Variants in LOXHD1 observed in about 807,000 individuals in gnomAD.
The protein encoded by LOXHD1 is lipoxygenase homology PLAT domains 1, also known as lipoxygenase homology domain-containing protein 1.
A neutral mutation model predicts 248.2 loss-of-function variants in LOXHD1; 205 were observed. The observed-to-expected ratio is 0.83, with a 90% confidence interval of 0.74 to 0.93. LOXHD1 has a LOEUF of 0.93. Ranked by LOEUF, LOXHD1 falls within the 40% of genes least tolerant of loss-of-function variation. LOXHD1 has a pLI of 0.00. For missense variants in LOXHD1, 2,930 were observed against 2,971.6 expected (o/e 0.99, Z 0.33); for synonymous variants, 1,113 against 1,162.8 (o/e 0.96, Z 0.87).
At chr18:46,503,423 C>T (rs1003469410) in intron 37 of LOXHD1, among the ~76,000 whole-genome samples, 3 of 152,156 alleles carry the variant, frequency 2.0e-5, no homozygotes, top group Non-Finnish European at 2.9e-5. Context: ...TGGCTCAATG[C>T]TTTCACACTT....
chr18:46,513,629 G>T (rs1438185660), intron 34 of LOXHD1, among the ~76,000 whole-genome samples: 1 of 152,222 alleles, frequency 6.6e-6, no homozygotes, highest in Non-Finnish European at 1.5e-5. Flanking sequence ...ACCAGAAGCT[G>T]CAAGGAGTGG....
At chr18:46,562,921 G>C (rs2037559301) in intron 18 of LOXHD1, 144 bp downstream of exon 18, 3 of 954,936 alleles carry the variant, frequency 3.1e-6, no homozygotes, top group Non-Finnish European at 4.5e-6. Context: ...CTCAGGTCTG[G>C]AGAGAGGAAG....
intron 20 of LOXHD1, chr18:46,559,133 G>A: frequency 7.4e-7 from 1 of 1,354,574 alleles, no homozygotes; most frequent in African/African-American, 1.5e-5. Context: ...ACACCATCTT[G>A]CGGCGAGGAC....
intron 33 of LOXHD1, chr18:46,520,401 A>G (rs1267211409): frequency 2.3e-6 from 1 of 425,912 alleles, no homozygotes; most frequent in African/African-American, 2.1e-5. Context: ...CCATGAGCCA[A>G]AAAGAGAAAC....
Position 46,524,514 on chromosome 18 carries a change from T to G in LOXHD1, c.4828A>C (p.Ile1610Leu). 6.4e-7 allele frequency: 1 copy of G among 1,551,724 alleles called. No individual in the cohort carries two copies. Among genetic ancestry groups the G allele is most frequent in the Non-Finnish European group, 8.7e-7 (1 of 1,147,000 alleles). ...GCCATGGGCCCGGTCACTGTGCTGA[T>G]GTCGACATCGGCCATCTTGGAGCTC... is the stretch of plus-strand genomic sequence containing the variant. ...ALSSKMADVD[I>L]STVTGPMADY... is the part of the protein sequence containing the mutation. Residue 1610 changes from isoleucine (I) to leucine (L), a missense_variant, in exon 31 of 41, where the codon ATC becomes CTC. Coordinates refer to ENST00000642948, the MANE Select transcript of LOXHD1 (RefSeq NM_001384474.1).
chr18:46,545,627 C>CTTTTTTTTTTT lies in LOXHD1; in HGVS notation c.3515-217_3515-207dup, dbSNP rs56323729. Among the ~76,000 whole-genome samples, 89 of 92,230 alleles carry CTTTTTTTTTTT rather than the reference C, an allele frequency of 9.6e-4. 4 individuals are homozygous for CTTTTTTTTTTT. Among genetic ancestry groups the CTTTTTTTTTTT allele is most frequent in the African/African-American group, 1.6e-3 (33 of 20,508 alleles). 60.5% of individuals were successfully genotyped at this position (92,230 alleles called of 152,430 possible). A position where few individuals can be genotyped will look rare whatever the true frequency, so the allele number is the denominator to read the frequency against. Reference sequence around the variant, plus strand: ...GTTTCTATGTTCCTCTTGGCCATTTCTTTTTTTTTTTTTTTTTTTTGAGAC... The same window carrying CTTTTTTTTTTT: ...GTTTCTATGTTCCTCTTGGCCATTTCTTTTTTTTTTTTTTTTTTTTTTTTTTTTTTTGAGAC... On this transcript the variant is annotated intron_variant, in intron 22 of 40. Transcript: ENST00000642948.
chr18:46,486,745 T>C lies in LOXHD1; in HGVS notation c.6050-1594A>G, dbSNP rs117361126. Among the ~76,000 whole-genome samples the C allele has an allele frequency of 1.0e-2, 1,517 of 152,092 alleles. 12 individuals are homozygous for C. The highest frequency in any genetic ancestry group is 0.032 in the South Asian group (152 of 4,816). Reference sequence around the variant, plus strand: ...TGCATATCACCGTGATGGACTCAAGTAGGAGGTGTGAGAGATGATGCGGGT... The same window carrying C: ...TGCATATCACCGTGATGGACTCAAGCAGGAGGTGTGAGAGATGATGCGGGT... On this transcript the variant is annotated intron_variant, in intron 38 of 40. Coordinates refer to ENST00000642948, the MANE Select transcript of LOXHD1 (RefSeq NM_001384474.1).
At chr18:46,477,223 G>A (rs1441082571), downstream of LOXHD1, 6 of 730,000 alleles carry the variant, frequency 8.2e-6, no homozygotes, top group Admixed American at 1.2e-4. Flanking sequence ...GGTCACTACT[G>A]TTATTACAGA....
At chr18:46,545,796 A>ATTT (rs1240066963) in intron 22 of LOXHD1, among the ~76,000 whole-genome samples, 3 of 149,796 alleles carry the variant, frequency 2.0e-5, no homozygotes, top group East Asian at 1.9e-4. Flanking sequence ...CGCCCGGCTA[A>ATTT]TTTTTTGTAT....
intron 5 of LOXHD1, among the ~76,000 whole-genome samples, chr18:46,614,709 A>C (rs1276830920): frequency 7.1e-6 from 1 of 140,058 alleles, no homozygotes; most frequent in East Asian, 2.5e-4. Flanking sequence ...CCTAGTACTT[A>C]AAGTATAATA....
chr18:46,533,667 T>A, intron 27 of LOXHD1: 1 of 335,386 alleles, frequency 3.0e-6, no homozygotes, highest in East Asian at 8.6e-5. Flanking sequence ...CTCATGCCTG[T>A]AATCTCAGCA....
chr18:46,595,832 C>T lies in LOXHD1; in HGVS notation c.1135-1366G>A, dbSNP rs141548585. On this transcript the variant is annotated intron_variant, in intron 8 of 40. Coordinates refer to ENST00000642948, the MANE Select transcript of LOXHD1 (RefSeq NM_001384474.1). ...TCAACAAATCCTGCAGATGTTTCCT[C>T]GTTTACTCTTGAATTGTTCTCTCAT... is the stretch of plus-strand genomic sequence containing the variant. Among the ~76,000 whole-genome samples the T allele has an allele frequency of 1.5e-4, 23 of 152,304 alleles. No homozygotes were observed. In the East Asian group the frequency reaches 4.0e-3, roughly 27 times the overall value.
chr18:46,618,315 C>A, intron 4 of LOXHD1, 25 bp from the exon 5 acceptor site: 1 of 1,490,444 alleles, frequency 6.7e-7, no homozygotes. Context: ...AGAGAAAAAC[C>A]TTAGCTCATC....
Position 46,524,499 on chromosome 18 carries a change from C to G in LOXHD1, c.4843G>C (p.Gly1615Arg), listed in dbSNP as rs768835732. The G allele has an allele frequency of 8.2e-5, 127 of 1,551,712 alleles. No individual in the cohort carries two copies. The South Asian group carries it at 1.3e-3, about 16-fold the overall frequency. Residue 1615 changes from glycine (G) to arginine (R), a missense_variant, in exon 31 of 41, where the codon GGG (glycine) becomes CGG (arginine). Transcript: ENST00000642948. ...MADVDISTVT[G>R]PMADYVQEGP... ...TCTTGAACGTAGTCAGCCATGGGCC[C>G]GGTCACTGTGCTGATGTCGACATCG...
At chr18:46,488,844 T>A in intron 38 of LOXHD1, 128 bp downstream of exon 38, 1 of 1,017,256 alleles carries the variant, frequency 9.8e-7, no homozygotes, top group Non-Finnish European at 1.4e-6. Context: ...ATTTAGGATG[T>A]TTCCTCATGC....
chr18:46,550,441 C>T (rs965431779), intron 21 of LOXHD1, among the ~76,000 whole-genome samples: 9 of 151,272 alleles, frequency 5.9e-5, no homozygotes, highest in Non-Finnish European at 8.9e-5. Context: ...GGCGCGGTGG[C>T]GGGCGCCTGT....
rs558087385 is a variant in LOXHD1 at position 46,579,687 on chromosome 18, C to T, written c.1752G>A (p.Thr584=). The change falls in exon 13 of 41, where the codon ACG becomes ACA. Residue 584 remains threonine, a synonymous_variant. Coordinates refer to ENST00000642948, the MANE Select transcript of LOXHD1 (RefSeq NM_001384474.1). ...YLCLFGDVGD[T]GERLLYNCRN... ...TGCAGTTGTAGAGCAGCCGTTCCCCCGTGTCCCCCACATCACCAAAAAGGC... is the reference window on the plus strand; with the variant it reads ...TGCAGTTGTAGAGCAGCCGTTCCCCTGTGTCCCCCACATCACCAAAAAGGC... 214 of 1,551,780 alleles carry T rather than the reference C, an allele frequency of 1.4e-4. No homozygotes were observed. In the South Asian group the frequency reaches 2.0e-3, roughly 15 times the overall value.
At chr18:46,655,266 G>A (rs369322826) in intron 1 of LOXHD1, among the ~76,000 whole-genome samples, 46 of 152,316 alleles carry the variant, frequency 3.0e-4, no homozygotes, top group African/African-American at 1.1e-3. Context: ...CTTGTGAAGT[G>A]GTGCTGATCC....
At chr18:46,622,999 C>T (rs933039441) in intron 4 of LOXHD1, among the ~76,000 whole-genome samples, 13 of 152,104 alleles carry the variant, frequency 8.5e-5, no homozygotes, top group Non-Finnish European at 1.9e-4. Flanking sequence ...CAGGGCTTAG[C>T]GATGGATTGT....
Sources: gnomAD v4.1 joint callset for allele counts (sites outside exome capture counted in the v4.1 genomes callset) on GRCh38, gnomAD v4.1.1 for gene constraint, MANE v1.5 for transcripts, NCBI Gene and HGNC (gene_info 2026-07-23, HGNC 2026-07-21) for gene names.